NAALADL2: variants seen among roughly 807,000 people sequenced by gnomAD.
NAALADL2 encodes the protein N-acetylated alpha-linked acidic dipeptidase like 2.
A neutral mutation model predicts 87.2 loss-of-function variants in NAALADL2; 76 were observed. The observed-to-expected ratio is 0.87, with a 90% CI of 0.72 to 1.05. NAALADL2 has a LOEUF of 1.05. NAALADL2 is among the 50% of genes least tolerant of loss of function. NAALADL2 has a pLI of 0.00. For synonymous variants in NAALADL2, 354 were observed against 331.0 expected (o/e 1.07, Z -0.75); for missense variants, 1,089 against 945.8 (o/e 1.15, Z -1.99).
intron 10 of NAALADL2, among the ~76,000 whole-genome samples, chr3:175,584,714 T>C (rs1302853137): frequency 6.6e-6 from 1 of 152,214 alleles, no homozygotes; most frequent in East Asian, 1.9e-4. Flanking sequence ...TACTGAATAC[T>C]AGAGACAATT....
At chr3:175,494,413 T>A (rs1356793001) in intron 9 of NAALADL2, among the ~76,000 whole-genome samples, 1 of 152,072 alleles carries the variant, frequency 6.6e-6, no homozygotes, top group African/African-American at 2.4e-5. Flanking sequence ...ATCTTTAAAA[T>A]AAACCTGTAG....
At position 175,013,295 on chromosome 3, in the gene NAALADL2, A is replaced by ATTTT. The variant is rs1220823542; in HGVS notation, c.44-83494_44-83493insTTTT. 4.8e-4 allele frequency among the ~76,000 whole-genome samples: 37 copies of ATTTT among 77,406 alleles called. 1 individual carries two copies. Among genetic ancestry groups the ATTTT allele is most frequent in the African/African-American group, 1.4e-3 (16 of 11,450 alleles). 50.8% of individuals were successfully genotyped at this position (77,406 alleles called of 152,430 possible). A position where few individuals can be genotyped will look rare whatever the true frequency, so the allele number is the denominator to read the frequency against. On this transcript the variant is annotated intron_variant, in intron 1 of 13. Transcript: ENST00000454872. ...TATATATACATATATATATATATAT[A>ATTTT]TATATATTTTTTTTTTTTTTTGAGA...
Position 174,481,763 on chromosome 3 carries a change from G to A in NAALADL2, c.-184+40731G>A, listed in dbSNP as rs528035441. Among the ~76,000 whole-genome samples, 11 of 152,244 alleles carry A rather than the reference G, an allele frequency of 7.2e-5. No individual in the cohort carries two copies. The South Asian group carries it at 1.5e-3, about 20-fold the overall frequency. On this transcript the variant is annotated intron_variant, in intron 1 of 3. Transcript: ENST00000434257. Reference sequence around the variant, plus strand: ...GCAAGTTTCCAAGAGTCTTCCACTAGTGAAGTCACAGATGGTGCTTTTAAT... The same window carrying A: ...GCAAGTTTCCAAGAGTCTTCCACTAATGAAGTCACAGATGGTGCTTTTAAT...
chr3:175,242,028 A>G (rs1237657739), intron 3 of NAALADL2, among the ~76,000 whole-genome samples: 1 of 150,802 alleles, frequency 6.6e-6, no homozygotes, highest in Non-Finnish European at 1.5e-5. Flanking sequence ...TGCCCAGCAA[A>G]TTTTTGTATT....
At chr3:174,678,448 C>A (rs1727243728) in intron 2 of NAALADL2, among the ~76,000 whole-genome samples, 1 of 152,064 alleles carries the variant, frequency 6.6e-6, no homozygotes, top group Non-Finnish European at 1.5e-5. Flanking sequence ...ATGTAGGATG[C>A]CAAATTTTTT....
chr3:175,245,229 T>C lies in NAALADL2; in HGVS notation c.819+11025T>C, dbSNP rs1024937068. Among the ~76,000 whole-genome samples the C allele has an allele frequency of 6.6e-5, 10 of 152,298 alleles. No homozygotes were observed. The East Asian group carries it at 1.9e-3, about 29-fold the overall frequency. On this transcript the variant is annotated intron_variant, in intron 3 of 13. Coordinates refer to ENST00000454872, the MANE Select transcript of NAALADL2 (RefSeq NM_207015.3). ...GTTATATTTTTAAATGTTGACCAAATAATACGAAAGGACAGCTATATAATC... is the reference window on the plus strand; with the variant it reads ...GTTATATTTTTAAATGTTGACCAAACAATACGAAAGGACAGCTATATAATC...
chr3:174,888,261 C>A (rs1290234395), intron 1 of NAALADL2, among the ~76,000 whole-genome samples: 1 of 152,152 alleles, frequency 6.6e-6, no homozygotes, highest in East Asian at 1.9e-4. Flanking sequence ...GGCCATACAA[C>A]AGAGGGTTTT....
At chr3:175,420,411 T>C (rs1308690837) in intron 5 of NAALADL2, among the ~76,000 whole-genome samples, 1 of 151,990 alleles carries the variant, frequency 6.6e-6, no homozygotes, top group African/African-American at 2.4e-5. Flanking sequence ...TGTTTTTCTA[T>C]AAAATGGTTC....
At chr3:175,053,017 G>A (rs1483517886) in intron 1 of NAALADL2, among the ~76,000 whole-genome samples, 1 of 152,128 alleles carries the variant, frequency 6.6e-6, no homozygotes, top group Non-Finnish European at 1.5e-5. Context: ...AGGAATTGTT[G>A]TGCAGCACCT....
chr3:174,855,647 A>T (rs941616789), upstream of NAALADL2, among the ~76,000 whole-genome samples: 1 of 151,400 alleles, frequency 6.6e-6, no homozygotes, highest in Non-Finnish European at 1.5e-5. Context: ...CTTTCTGATG[A>T]TGGTAATTTT....
intron 5 of NAALADL2, among the ~76,000 whole-genome samples, chr3:175,375,856 T>G (rs1767062875): frequency 6.6e-6 from 1 of 152,110 alleles, no homozygotes; most frequent in Admixed American, 6.6e-5. Flanking sequence ...ATTTGTTAAT[T>G]GAGTATTATA....
chr3:174,861,320 C>T (rs1219558035), intron 1 of NAALADL2, among the ~76,000 whole-genome samples: 1 of 151,638 alleles, frequency 6.6e-6, no homozygotes, highest in Non-Finnish European at 1.5e-5. Flanking sequence ...TTGTTGGTTT[C>T]GTTTCTGGAT....
At chr3:175,760,335 C>T (rs1747836745) in intron 13 of NAALADL2, among the ~76,000 whole-genome samples, 2 of 152,114 alleles carry the variant, frequency 1.3e-5, no homozygotes, top group African/African-American at 4.8e-5. Flanking sequence ...TCATTTCCAG[C>T]TCTACAGACT....
intron 2 of NAALADL2, among the ~76,000 whole-genome samples, chr3:175,213,111 A>G (rs1405768708): frequency 6.6e-6 from 1 of 152,108 alleles, no homozygotes; most frequent in Non-Finnish European, 1.5e-5. Context: ...TGTAACAGCA[A>G]CTCGGTGAAG....
intron 1 of NAALADL2, among the ~76,000 whole-genome samples, chr3:175,016,113 T>C (rs1474507978): frequency 6.6e-6 from 1 of 151,580 alleles, no homozygotes; most frequent in Non-Finnish European, 1.5e-5. Flanking sequence ...TTTCTCAAGC[T>C]GAAGCAAGTT....
intron 9 of NAALADL2, among the ~76,000 whole-genome samples, chr3:175,509,707 A>G (rs1341885537): frequency 6.6e-6 from 1 of 152,212 alleles, no homozygotes; most frequent in Non-Finnish European, 1.5e-5. Context: ...TCCTGCTGCT[A>G]TAAGGACATG....
At chr3:175,654,000 T>G (rs75594984) in intron 11 of NAALADL2, among the ~76,000 whole-genome samples, 2 of 152,120 alleles carry the variant, frequency 1.3e-5, no homozygotes, top group African/African-American at 4.8e-5. Flanking sequence ...AAAGCATTGA[T>G]GAAACCAATT....
At chr3:175,706,033 T>C (rs1281375661) in intron 11 of NAALADL2, among the ~76,000 whole-genome samples, 1 of 152,052 alleles carries the variant, frequency 6.6e-6, no homozygotes, top group African/African-American at 2.4e-5. Context: ...AAATTTGGAC[T>C]CCAAACAGAA....
chr3:175,322,372 A>C (rs1760016724), intron 4 of NAALADL2, among the ~76,000 whole-genome samples: 1 of 115,978 alleles, frequency 8.6e-6, no homozygotes, highest in Non-Finnish European at 1.7e-5. Flanking sequence ...TTAGACCTAA[A>C]ACCATAAAAA....
Sources: allele counts gnomAD v4.1 joint callset (sites outside exome capture counted in the v4.1 genomes callset), GRCh38; gene constraint gnomAD v4.1.1; transcripts MANE v1.5; gene names NCBI Gene and HGNC (gene_info 2026-07-23, HGNC 2026-07-21).